The following STK3 variants were observed in gnomAD, a reference collection of about 807,000 sequenced individuals.
The protein encoded by STK3 is serine/threonine-protein kinase 3.
In STK3, 41 loss-of-function variants were observed where a neutral mutation model predicts 58.0. The observed-to-expected ratio is 0.71, with a 90% confidence interval of 0.55 to 0.92. The LOEUF (loss-of-function observed/expected upper bound fraction) is 0.92. Among genes scored for constraint, STK3 ranks in the 40% least tolerant of loss-of-function variants. STK3 has a pLI of 0.00. For synonymous variants in STK3, 170 were observed against 191.0 expected (o/e 0.89, Z 0.91); for missense variants, 479 against 602.7 (o/e 0.79, Z 2.15).
intron 1 of STK3, among the ~76,000 whole-genome samples, chr8:98,916,069 A>G (rs2131993989): frequency 6.6e-6 from 1 of 152,266 alleles, no homozygotes; most frequent in South Asian, 2.1e-4. Context: ...GCAAAAGCTA[A>G]GGAGAGCAAG....
chr8:98,718,461 T>C (rs1207614700), intron 4 of STK3, among the ~76,000 whole-genome samples: 1 of 152,154 alleles, frequency 6.6e-6, no homozygotes, highest in Non-Finnish European at 1.5e-5. Flanking sequence ...TCAGACTAGA[T>C]GGTCTGACTT....
At chr8:98,733,140 C>G (rs1252050034) in intron 4 of STK3, among the ~76,000 whole-genome samples, 1 of 152,230 alleles carries the variant, frequency 6.6e-6, no homozygotes, top group Non-Finnish European at 1.5e-5. Context: ...CTGACTTACT[C>G]ATTTATTCAT....
intron 8 of STK3, among the ~76,000 whole-genome samples, chr8:98,563,142 C>A (rs1281057457): frequency 6.6e-6 from 1 of 151,866 alleles, no homozygotes; most frequent in Non-Finnish European, 1.5e-5. Context: ...AGACTAAAGA[C>A]AAAAGAAATG....
chr8:98,579,075 C>T (rs922321680), intron 8 of STK3, among the ~76,000 whole-genome samples: 1 of 151,968 alleles, frequency 6.6e-6, no homozygotes, highest in African/African-American at 2.4e-5. Context: ...CGCTTGAACC[C>T]GGGAGGTGGA....
intron 4 of STK3, among the ~76,000 whole-genome samples, chr8:98,735,673 A>G (rs551216737): frequency 3.7e-4 from 56 of 152,248 alleles, no homozygotes; most frequent in Non-Finnish European, 7.2e-4. Flanking sequence ...TTCTAGTACC[A>G]CTACCATTAA....
At chr8:98,883,784 G>A (rs570699537) in exon 2 of STK3, 7 of 696,864 alleles carry the variant, frequency 1.0e-5, no homozygotes, top group Non-Finnish European at 1.8e-5. Flanking sequence ...CTAGCTCAGA[G>A]AGATCTCTCC....
At chr8:98,738,988 G>C (rs933938736) in intron 4 of STK3, among the ~76,000 whole-genome samples, 10 of 152,210 alleles carry the variant, frequency 6.6e-5, no homozygotes, top group Non-Finnish European at 1.3e-4. Flanking sequence ...CTCACTGATT[G>C]CTAGCACAGC....
intron 10 of STK3, among the ~76,000 whole-genome samples, chr8:98,521,313 AT>A (rs959924825): frequency 2.6e-5 from 4 of 151,072 alleles, no homozygotes; most frequent in African/African-American, 4.9e-5. Context: ...TTCCTTTATT[AT>A]TTTTTTTTGG....
chr8:98,736,961 T>C (rs1399743023), intron 4 of STK3, among the ~76,000 whole-genome samples: 1 of 152,200 alleles, frequency 6.6e-6, no homozygotes, highest in Non-Finnish European at 1.5e-5. Flanking sequence ...ATGTAGTATA[T>C]ACATAATCAA....
At chr8:98,589,841 G>A (rs1815110303) in intron 7 of STK3, among the ~76,000 whole-genome samples, 1 of 152,234 alleles carries the variant, frequency 6.6e-6, no homozygotes, top group African/African-American at 2.4e-5. Flanking sequence ...GCAGTATTAG[G>A]GTGGGAGTGG....
intron 1 of STK3, among the ~76,000 whole-genome samples, chr8:98,914,174 A>C (rs1191454287): frequency 6.6e-6 from 1 of 152,116 alleles, no homozygotes; most frequent in East Asian, 1.9e-4. Flanking sequence ...AAAACCAGCC[A>C]GGTGCGGTGG....
intron 8 of STK3, among the ~76,000 whole-genome samples, chr8:98,578,657 G>C (rs779176085): frequency 8.1e-4 from 124 of 152,176 alleles, no homozygotes; most frequent in Non-Finnish European, 1.4e-3. Context: ...GAAACTGTAA[G>C]ATTTTTAAAA....
chr8:98,740,849 C>T (rs1226782826), intron 4 of STK3, among the ~76,000 whole-genome samples: 2 of 151,994 alleles, frequency 1.3e-5, no homozygotes, highest in Non-Finnish European at 2.9e-5. Flanking sequence ...TCAGGAAACC[C>T]ATCTCACAAG....
chr8:98,650,896 G>C (rs997370947), intron 6 of STK3, among the ~76,000 whole-genome samples: 4 of 152,356 alleles, frequency 2.6e-5, no homozygotes, highest in East Asian at 1.9e-4. Flanking sequence ...TCTGTAGGCT[G>C]CACCTCTGGA....
chr8:98,665,620 C>T (rs536386411), intron 6 of STK3, among the ~76,000 whole-genome samples: 1 of 152,142 alleles, frequency 6.6e-6, no homozygotes, highest in South Asian at 2.1e-4. Context: ...GTCTCAAACT[C>T]CTAGACTCAA....
chr8:98,442,893 T>A (rs1259767835), intron 1 of STK3, among the ~76,000 whole-genome samples: 2 of 151,998 alleles, frequency 1.3e-5, no homozygotes, highest in Non-Finnish European at 2.9e-5. Flanking sequence ...GTGCAGGAAG[T>A]CCTGAGACTA....
intron 2 of STK3, among the ~76,000 whole-genome samples, chr8:98,769,083 C>G (rs1170423557): frequency 6.6e-6 from 1 of 152,232 alleles, no homozygotes; most frequent in East Asian, 1.9e-4. Context: ...TTCATTTGAG[C>G]TCCTAACTTC....
intron 10 of STK3, among the ~76,000 whole-genome samples, chr8:98,491,067 C>T (rs1822645142): frequency 6.6e-6 from 1 of 151,954 alleles, no homozygotes; most frequent in African/African-American, 2.4e-5. Context: ...AAAGAAAAGG[C>T]CAATCTCTCC....
At chr8:98,926,349 G>C (rs1433839599) in intron 1 of STK3, among the ~76,000 whole-genome samples, 1 of 152,094 alleles carries the variant, frequency 6.6e-6, no homozygotes, top group Non-Finnish European at 1.5e-5. Context: ...CCTATTCATT[G>C]ACCTGGAAAT....
Sources: allele counts gnomAD v4.1 joint callset (sites outside exome capture counted in the v4.1 genomes callset), GRCh38; gene constraint gnomAD v4.1.1; transcripts MANE v1.5; gene names NCBI Gene and HGNC (gene_info 2026-07-23, HGNC 2026-07-21).